GPHN: variants seen among roughly 807,000 people sequenced by gnomAD.
GPHN encodes gephyrin.
GPHN carries 17 observed loss-of-function variants against 95.5 expected under a neutral mutation model. That is an observed-to-expected ratio of 0.18 (90% CI 0.12 to 0.27). The LOEUF is 0.27. GPHN is among the 10% of genes least tolerant of loss of function. GPHN has a pLI of 1.00. For synonymous variants in GPHN, 320 were observed against 322.5 expected (o/e 0.99, Z 0.08); for missense variants, 660 against 978.1 (o/e 0.67, Z 4.34).
chr14:67,145,594 GAT>G (rs532328540), intron 18 of GPHN, among the ~76,000 whole-genome samples: 132 of 152,296 alleles, frequency 8.7e-4, no homozygotes, highest in African/African-American at 3.0e-3. Context: ...GGAATGAGAT[GAT>G]AGAGGAACCA....
intron 18 of GPHN, among the ~76,000 whole-genome samples, chr14:67,151,861 C>T (rs2081306831): frequency 6.6e-6 from 1 of 152,048 alleles, no homozygotes; most frequent in Non-Finnish European, 1.5e-5. Flanking sequence ...CCAAGCTGGT[C>T]TCGAACTCCT....
At chr14:66,542,169 G>A (rs2059376425) in intron 1 of GPHN, among the ~76,000 whole-genome samples, 3 of 152,146 alleles carry the variant, frequency 2.0e-5, no homozygotes. Flanking sequence ...GTCTAAATTA[G>A]CAGCTATATA....
At chr14:67,457,610 A>G in the GPHN span, among the ~76,000 whole-genome samples, 2 of 152,172 alleles carry the variant, frequency 1.3e-5, no homozygotes, top group East Asian at 3.9e-4. Context: ...TGTCTGTAAA[A>G]CCAAACCAAA....
chr14:67,113,636 A>G (rs770395817), intron 16 of GPHN, among the ~76,000 whole-genome samples: 30 of 152,142 alleles, frequency 2.0e-4, no homozygotes, highest in South Asian at 1.0e-3. Context: ...ATCTTTAATC[A>G]CTAAGAGGGA....
chr14:66,537,270 T>C (rs2140017616), intron 1 of GPHN, among the ~76,000 whole-genome samples: 1 of 152,244 alleles, frequency 6.6e-6, no homozygotes, highest in East Asian at 1.9e-4. Context: ...GCATAAATCT[T>C]TTATCTTACT....
intron 16 of GPHN, among the ~76,000 whole-genome samples, chr14:67,120,031 T>C (rs1229204478): frequency 6.7e-6 from 1 of 150,102 alleles, no homozygotes; most frequent in African/African-American, 2.5e-5. Flanking sequence ...GAAGCTGTGG[T>C]AGGAAGATCG....
intron 10 of GPHN, among the ~76,000 whole-genome samples, chr14:67,052,754 C>A (rs2075362855): frequency 1.3e-5 from 2 of 152,144 alleles, no homozygotes; most frequent in South Asian, 4.1e-4. Context: ...GTCTCTCAGA[C>A]CACAGTGCAA....
At chr14:67,526,301 A>G in the GPHN span, among the ~76,000 whole-genome samples, 23 of 139,418 alleles carry the variant, frequency 1.6e-4, no homozygotes, top group African/African-American at 5.7e-4. Flanking sequence ...AGGATCCTTG[A>G]CTTGCAGCTT....
the GPHN span, among the ~76,000 whole-genome samples, chr14:67,191,351 A>G: frequency 1.2e-4 from 18 of 152,254 alleles, no homozygotes; most frequent in Non-Finnish European, 2.4e-4. Context: ...GAAACTTTTT[A>G]TAATAAAATA....
At chr14:67,619,779 A>G in the GPHN span, 16 of 543,338 alleles carry the variant, frequency 2.9e-5, no homozygotes, top group African/African-American at 3.0e-4. Context: ...CCAGCCTTGC[A>G]GAGCGGTGGG....
chr14:66,976,492 A>G (rs1188921510), intron 9 of GPHN, among the ~76,000 whole-genome samples: 1 of 152,190 alleles, frequency 6.6e-6, no homozygotes, highest in Non-Finnish European at 1.5e-5. Context: ...AATATAGAGT[A>G]CATCCCATAG....
At chr14:67,540,008 C>T in the GPHN span, among the ~76,000 whole-genome samples, 1 of 152,190 alleles carries the variant, frequency 6.6e-6, no homozygotes, top group Non-Finnish European at 1.5e-5. Flanking sequence ...GAGAGGCTAA[C>T]TTTGCACTGT....
chr14:66,753,602 G>A (rs2058451464), intron 2 of GPHN, among the ~76,000 whole-genome samples: 1 of 151,810 alleles, frequency 6.6e-6, no homozygotes. Flanking sequence ...GATCCAACAG[G>A]AAAACTGCTT....
chr14:67,643,842 T>C, the GPHN span, among the ~76,000 whole-genome samples: 3 of 104,990 alleles, frequency 2.9e-5, no homozygotes, highest in African/African-American at 7.6e-5. Context: ...GGTAGATTCC[T>C]CCTTGGGAGT....
chr14:66,837,077 AG>A (rs2061856487), intron 4 of GPHN, among the ~76,000 whole-genome samples: 1 of 150,982 alleles, frequency 6.6e-6, no homozygotes, highest in African/African-American at 2.5e-5. Flanking sequence ...CATTTGACCC[AG>A]CCATCCCATT....
chr14:67,254,891 C>T, the GPHN span, among the ~76,000 whole-genome samples: 1 of 152,230 alleles, frequency 6.6e-6, no homozygotes, highest in African/African-American at 2.4e-5. Context: ...TGGCTCACAC[C>T]TGTAATCCCA....
intron 1 of GPHN, among the ~76,000 whole-genome samples, chr14:66,623,376 A>G (rs2063386963): frequency 6.6e-6 from 1 of 152,102 alleles, no homozygotes; most frequent in African/African-American, 2.4e-5. Context: ...GCCAAACCAT[A>G]TCAGCCAGCA....
In GPHN at chr14:66,845,857, GT is replaced by G. The variant is rs1567012866; in HGVS notation, c.294+21292del. On this transcript the variant is annotated intron_variant, in intron 4 of 22. Transcript: ENST00000478722. ...TGTGTGTGTGTGTGTGTGTGTGTGT[GT>G]GTCTGTGTGCGTGCGCACACGTGAA... 1.9e-3 allele frequency among the ~76,000 whole-genome samples: 274 copies of G among 147,396 alleles called. 2 individuals carry two copies. Among genetic ancestry groups the G allele is most frequent in the Middle Eastern group, 7.2e-3 (2 of 278 alleles).
At chr14:66,700,004 A>G (rs570912099) in intron 2 of GPHN, among the ~76,000 whole-genome samples, 5 of 152,354 alleles carry the variant, frequency 3.3e-5, no homozygotes, top group Middle Eastern at 3.4e-3. Context: ...TTTAGAGACT[A>G]TAAAAGGAGA....
Sources: gnomAD v4.1 joint callset for allele counts (sites outside exome capture counted in the v4.1 genomes callset) on GRCh38, gnomAD v4.1.1 for gene constraint, MANE v1.5 for transcripts, NCBI Gene and HGNC (gene_info 2026-07-23, HGNC 2026-07-21) for gene names.